Variants in PGM1 observed in about 807,000 individuals in gnomAD.
PGM1 encodes the protein phosphoglucomutase 1.
In PGM1, 52 loss-of-function variants were observed where a neutral mutation model predicts 55.6. That is an observed-to-expected ratio of 0.94 (90% confidence interval 0.75 to 1.18). PGM1 has a LOEUF of 1.18. Among genes scored for constraint, PGM1 ranks in the 50% most tolerant of loss-of-function variants. The pLI, the probability that PGM1 is intolerant of heterozygous loss-of-function variation, is 0.00. For synonymous variants in PGM1, 287 were observed against 271.7 expected (o/e 1.06, Z -0.55); for missense variants, 724 against 729.3 (o/e 0.99, Z 0.08).
At chr1:63,603,765 G>T (rs1210961869) in intron 1 of PGM1, among the ~76,000 whole-genome samples, 4 of 152,186 alleles carry the variant, frequency 2.6e-5, no homozygotes, top group Non-Finnish European at 5.9e-5. Flanking sequence ...TCTTTAAATA[G>T]CAGAAGTGCA....
intron 7 of PGM1, among the ~76,000 whole-genome samples, chr1:63,647,300 A>G (rs1649682470): frequency 8.7e-6 from 1 of 114,942 alleles, no homozygotes; most frequent in African/African-American, 3.0e-5. Flanking sequence ...ATATATATAT[A>G]TATATATAGT....
In PGM1 at chr1:63,647,258, A is replaced by T. The variant is rs990574265; in HGVS notation, c.1145-1259A>T. ...ACTCCGTCTCAAAAAATAAAATTTT[A>T]CATATATATATATATATATATATAT... On this transcript the variant is annotated intron_variant, in intron 7 of 10. Coordinates refer to ENST00000371084, the MANE Select transcript of PGM1 (RefSeq NM_002633.3). Among the ~76,000 whole-genome samples the T allele has an allele frequency of 2.9e-3, 91 of 31,658 alleles. 3 individuals carry two copies. The highest frequency in any genetic ancestry group is 0.013 in the Middle Eastern group (1 of 80). 20.8% of individuals were successfully genotyped at this position (31,658 alleles called of 152,430 possible).
intron 1 of PGM1, among the ~76,000 whole-genome samples, chr1:63,617,424 A>T (rs1365602959): frequency 6.6e-6 from 1 of 152,156 alleles, no homozygotes; most frequent in Non-Finnish European, 1.5e-5. Context: ...AGCCACAGGC[A>T]GTGGTGGGGC....
chr1:63,593,587 C>G lies in PGM1; in HGVS notation c.99C>G (p.Ala33=). 6.2e-7 allele frequency: 1 copy of G among 1,613,706 alleles called. No individual in the cohort carries two copies. The highest frequency in any genetic ancestry group is 8.5e-7 in the Non-Finnish European group (1 of 1,179,918). The change falls in exon 1 of 11, where the codon GCC becomes GCG. Residue 33 remains alanine, a synonymous_variant. Transcript: ENST00000371084. ...GGGTGAAGGTGTTCCAGAGCAGCGC[C>G]AACTACGCGGAGAACTTCATCCAGA... ...RKRVKVFQSS[A]NYAENFIQSI... is the part of the protein sequence containing the mutation.
At chr1:63,600,059 C>G (rs1648192961) in intron 1 of PGM1, 1 of 152,106 alleles carries the variant, frequency 6.6e-6, no homozygotes, top group South Asian at 2.1e-4. Context: ...CACCTAAAAC[C>G]AATTATGTCT....
At chr1:63,640,632 C>T (rs566004767) in intron 7 of PGM1, among the ~76,000 whole-genome samples, 1 of 152,220 alleles carries the variant, frequency 6.6e-6, no homozygotes, top group South Asian at 2.1e-4. Flanking sequence ...GGATCAGAGC[C>T]CCAGAGCCAA....
intron 1 of PGM1, among the ~76,000 whole-genome samples, chr1:63,626,178 T>C (rs1389324379): frequency 6.6e-6 from 1 of 152,088 alleles, no homozygotes; most frequent in Non-Finnish European, 1.5e-5. Flanking sequence ...CTGAGGGGGT[T>C]ATCTCTAACT....
chr1:63,644,259 C>T (rs1649596055), intron 7 of PGM1, among the ~76,000 whole-genome samples: 1 of 152,296 alleles, frequency 6.6e-6, no homozygotes, highest in East Asian at 1.9e-4. Context: ...GAATTCCTGT[C>T]CCTGAGCGGA....
rs142561384 is a variant in PGM1 at position 63,594,689 on chromosome 1, C to T, written c.246+955C>T. 6.6e-4 allele frequency among the ~76,000 whole-genome samples: 100 copies of T among 151,264 alleles called. 1 individual carries two copies. In the East Asian group the frequency reaches 0.017, roughly 26 times the overall value. ...GGGCATGGTGGCTCACGCCTGTAAT[C>T]CCAGCACTTTGGGAGGCTGAGGGTG... is the stretch of plus-strand genomic sequence containing the variant. On this transcript the variant is annotated intron_variant, in intron 1 of 10. Transcript: ENST00000371084.
At chr1:63,658,785 T>C (rs1650035572) in intron 10 of PGM1, among the ~76,000 whole-genome samples, 1 of 150,744 alleles carries the variant, frequency 6.6e-6, no homozygotes, top group Non-Finnish European at 1.5e-5. Context: ...TGTATTAGTC[T>C]GTTTTCACAC....
In PGM1 at chr1:63,627,061, C is replaced by CA. The variant is rs1043912855; in HGVS notation, c.247-2364_247-2363insA. On this transcript the variant is annotated intron_variant, in intron 1 of 10. Coordinates refer to ENST00000371084, the MANE Select transcript of PGM1 (RefSeq NM_002633.3). ...TTGTGGCATATGGCAGGACCCCCCC[C>CA]CCCCCACACACACACACACTTTTAA... Among the ~76,000 whole-genome samples, 44 of 126,228 alleles carry CA rather than the reference C, an allele frequency of 3.5e-4. 1 individual carries two copies. Among genetic ancestry groups the CA allele is most frequent in the African/African-American group, 1.2e-3 (38 of 32,606 alleles). 82.8% of individuals were successfully genotyped at this position (126,228 alleles called of 152,430 possible).
rs766404849 is a variant in PGM1 at position 63,634,896 on chromosome 1, C to T, written c.750C>T (p.Asn250=). 6.2e-7 allele frequency: 1 copy of T among 1,613,604 alleles called. No individual in the cohort carries two copies. Among genetic ancestry groups the T allele is most frequent in the Non-Finnish European group, 8.5e-7 (1 of 1,179,900 alleles). Residue 250 remains asparagine (N), a synonymous_variant, in exon 5 of 11, where the codon AAC becomes AAT. Coordinates refer to ENST00000371084, the MANE Select transcript of PGM1 (RefSeq NM_002633.3). ...GTGCCCCTGCGAACTCGGCAGTTAA[C>T]TGCGTTCCTCTGGAGGACTTTGGAG... ...ELGAPANSAV[N]CVPLEDFGGH...
At chr1:63,623,785 T>C (rs754888059) in intron 1 of PGM1, 6 of 1,525,824 alleles carry the variant, frequency 3.9e-6, no homozygotes, top group Non-Finnish European at 5.4e-6. Flanking sequence ...AGTATTGTTA[T>C]GTTTCTGGCT....
At chr1:63,621,574 TA>T (rs1335201784) in intron 1 of PGM1, among the ~76,000 whole-genome samples, 2 of 152,190 alleles carry the variant, frequency 1.3e-5, no homozygotes, top group Non-Finnish European at 2.9e-5. Flanking sequence ...AATAGGAATT[TA>T]AAAAATCATT....
At chr1:63,610,394 C>T (rs1008993982) in intron 1 of PGM1, among the ~76,000 whole-genome samples, 3 of 152,006 alleles carry the variant, frequency 2.0e-5, no homozygotes, top group African/African-American at 7.2e-5. Context: ...AAGTTACAGG[C>T]GTTTTGCCAT....
Position 63,647,259 on chromosome 1 carries a change from C to T in PGM1, c.1145-1258C>T, listed in dbSNP as rs855328. Among the ~76,000 whole-genome samples the T allele has an allele frequency of 5.4e-3, 296 of 55,140 alleles. 6 individuals carry two copies. Among genetic ancestry groups the T allele is most frequent in the African/African-American group, 0.019 (196 of 10,488 alleles). 36.2% of individuals were successfully genotyped at this position (55,140 alleles called of 152,430 possible). ...CTCCGTCTCAAAAAATAAAATTTTA[C>T]ATATATATATATATATATATATATA... is the stretch of plus-strand genomic sequence containing the variant. On this transcript the variant is annotated intron_variant, in intron 7 of 10. Transcript: ENST00000371084.
chr1:63,615,550 C>CTTCTTTTTTTTTTTTTTTTTTTT (rs1648687863), intron 1 of PGM1, among the ~76,000 whole-genome samples: 1 of 62,976 alleles, frequency 1.6e-5, no homozygotes, highest in African/African-American at 6.7e-5. Context: ...TCTTCTTCTT[C>CTTCTTTTTTTTTTTTTTTTTTTT]TTTTTTTTTT....
intron 1 of PGM1, among the ~76,000 whole-genome samples, chr1:63,611,125 G>A (rs946940613): frequency 6.6e-6 from 1 of 152,132 alleles, no homozygotes; most frequent in Non-Finnish European, 1.5e-5. Flanking sequence ...AACGGTCTCC[G>A]CAAGTGGGCA....
At chr1:63,638,461 A>G (rs1384567425) in intron 6 of PGM1, among the ~76,000 whole-genome samples, 2 of 152,200 alleles carry the variant, frequency 1.3e-5, no homozygotes, top group Non-Finnish European at 2.9e-5. Flanking sequence ...AAACTCCATG[A>G]TCTGAATTAA....
Sources: gnomAD v4.1 joint callset for allele counts (sites outside exome capture counted in the v4.1 genomes callset) on GRCh38, gnomAD v4.1.1 for gene constraint, MANE v1.5 for transcripts, NCBI Gene and HGNC (gene_info 2026-07-23, HGNC 2026-07-21) for gene names.